The following LRBA variants were observed in gnomAD, a reference collection of about 807,000 sequenced individuals.
LRBA encodes lipopolysaccharide-responsive and beige-like anchor protein.
Under a neutral mutation model 330.0 loss-of-function variants are expected in LRBA, and 176 were observed. The observed-to-expected ratio is 0.53, with a 90% CI of 0.47 to 0.60. The LOEUF (loss-of-function observed/expected upper bound fraction) is 0.60. LRBA is among the 20% of genes least tolerant of loss of function. The pLI is 0.00. For synonymous variants in LRBA, 1,230 were observed against 1,193.0 expected (o/e 1.03, Z -0.64); for missense variants, 3,259 against 3,444.8 (o/e 0.95, Z 1.35).
intron 2 of LRBA, among the ~76,000 whole-genome samples, chr4:150,998,698 C>A (rs994578938): frequency 6.6e-6 from 1 of 152,118 alleles, no homozygotes; most frequent in African/African-American, 2.4e-5. Context: ...ACCACCTCCA[C>A]ACATAAAATC....
intron 47 of LRBA, among the ~76,000 whole-genome samples, chr4:150,388,400 A>G (rs984426535): frequency 1.3e-5 from 2 of 152,224 alleles, no homozygotes; most frequent in Non-Finnish European, 2.9e-5. Flanking sequence ...TCCATCCCAA[A>G]TGCCTCCAAA....
At chr4:150,716,333 G>C (rs1728198637) in intron 36 of LRBA, among the ~76,000 whole-genome samples, 1 of 152,128 alleles carries the variant, frequency 6.6e-6, no homozygotes, top group South Asian at 2.1e-4. Flanking sequence ...TGTAATCCCA[G>C]CCACTAGTGA....
At chr4:150,713,975 T>C (rs886347309) in intron 36 of LRBA, among the ~76,000 whole-genome samples, 2 of 152,194 alleles carry the variant, frequency 1.3e-5, no homozygotes, top group Non-Finnish European at 2.9e-5. Context: ...TTCAATTAGT[T>C]TGTGAGCCAG....
At chr4:150,965,143 A>G (rs1738733741) in intron 2 of LRBA, among the ~76,000 whole-genome samples, 1 of 152,214 alleles carries the variant, frequency 6.6e-6, no homozygotes. Context: ...AATCTATCCT[A>G]TAGATACAAT....
At chr4:150,731,267 G>C (rs1197943337) in intron 36 of LRBA, among the ~76,000 whole-genome samples, 1 of 152,124 alleles carries the variant, frequency 6.6e-6, no homozygotes, top group Non-Finnish European at 1.5e-5. Flanking sequence ...GCTACCGTAT[G>C]ATCCAGCAAT....
intron 36 of LRBA, among the ~76,000 whole-genome samples, chr4:150,723,535 T>C (rs1372783562): frequency 6.6e-6 from 1 of 152,180 alleles, no homozygotes; most frequent in East Asian, 1.9e-4. Flanking sequence ...AAAGAACTCT[T>C]GGGCCCTGAA....
intron 56 of LRBA, among the ~76,000 whole-genome samples, chr4:150,271,742 G>A (rs549656548): frequency 1.7e-4 from 26 of 152,334 alleles, no homozygotes; most frequent in African/African-American, 5.1e-4. Context: ...AAAGCCTCTG[G>A]GGAGTTCGAA....
intron 37 of LRBA, among the ~76,000 whole-genome samples, chr4:150,635,562 A>C (rs938782310): frequency 6.6e-6 from 1 of 152,178 alleles, no homozygotes; most frequent in Non-Finnish European, 1.5e-5. Context: ...GTTGTATATG[A>C]ACTTGTTAAA....
intron 47 of LRBA, among the ~76,000 whole-genome samples, chr4:150,404,019 G>C (rs1013679280): frequency 6.6e-6 from 1 of 151,890 alleles, no homozygotes; most frequent in Non-Finnish European, 1.5e-5. Flanking sequence ...GCGACAGAGC[G>C]AGATTCTGTC....
Position 150,735,253 on chromosome 4 carries a change from C to G in LRBA, c.5754+5G>C. Reference sequence around the variant, plus strand: ...TTCCGCACACCAACCATATGTGTAACCTACCTCAAATTCCGCATGTCTGTG... The same window carrying G: ...TTCCGCACACCAACCATATGTGTAAGCTACCTCAAATTCCGCATGTCTGTG... On this transcript the variant is annotated splice_donor_5th_base_variant and intron_variant, in intron 36 of 56. Transcript: ENST00000651943. 1 of 1,605,620 alleles carries G rather than the reference C, an allele frequency of 6.2e-7. No individual in the cohort carries two copies. Among genetic ancestry groups the G allele is most frequent in the Non-Finnish European group, 8.5e-7 (1 of 1,172,432 alleles).
chr4:150,828,141 A>G, intron 30 of LRBA, 39 bp downstream of exon 30: 1 of 1,585,610 alleles, frequency 6.3e-7, no homozygotes, highest in Non-Finnish European at 8.6e-7. Context: ...CAAGGGTCAG[A>G]TGTAGAAACA....
intron 2 of LRBA, among the ~76,000 whole-genome samples, chr4:150,992,513 A>G (rs1045447295): frequency 6.6e-6 from 1 of 152,184 alleles, no homozygotes; most frequent in Admixed American, 6.6e-5. Context: ...TTTTAGAAAG[A>G]TAAGTATAAA....
At chr4:150,547,742 CA>C (rs1288648056) in intron 40 of LRBA, among the ~76,000 whole-genome samples, 4 of 152,084 alleles carry the variant, frequency 2.6e-5, no homozygotes, top group African/African-American at 9.7e-5. Flanking sequence ...TATTGTGAAA[CA>C]AAATCCTCAG....
At chr4:150,505,754 G>C (rs529824254) in intron 40 of LRBA, among the ~76,000 whole-genome samples, 1 of 152,196 alleles carries the variant, frequency 6.6e-6, no homozygotes, top group Admixed American at 6.5e-5. Context: ...AGGAAATAGA[G>C]ACACAAAAAA....
At chr4:150,369,533 T>A (rs1317069198) in intron 47 of LRBA, among the ~76,000 whole-genome samples, 2 of 151,886 alleles carry the variant, frequency 1.3e-5, no homozygotes, top group East Asian at 3.9e-4. Flanking sequence ...ATATGATGCC[T>A]AAAAAAATAT....
intron 2 of LRBA, among the ~76,000 whole-genome samples, chr4:150,944,735 G>A (rs1367451951): frequency 6.6e-6 from 1 of 152,196 alleles, no homozygotes; most frequent in East Asian, 1.9e-4. Flanking sequence ...ACTCTGGCAT[G>A]ACTCTATACA....
intron 37 of LRBA, among the ~76,000 whole-genome samples, chr4:150,647,549 A>G (rs1275487414): frequency 6.6e-6 from 1 of 151,580 alleles, no homozygotes; most frequent in Non-Finnish European, 1.5e-5. Flanking sequence ...GCATACCAAC[A>G]TACCCAGCTA....
chr4:150,845,077 C>G (rs1749657779), intron 26 of LRBA, among the ~76,000 whole-genome samples: 1 of 152,030 alleles, frequency 6.6e-6, no homozygotes, highest in Admixed American at 6.6e-5. Context: ...GCTACTATTT[C>G]TTAGATCTCA....
intron 34 of LRBA, among the ~76,000 whole-genome samples, chr4:150,780,413 T>C (rs2126586784): frequency 1.3e-5 from 2 of 152,082 alleles, no homozygotes; most frequent in South Asian, 4.2e-4. Flanking sequence ...TTTAAACATA[T>C]ATTAGCAAAG....
Sources: gnomAD v4.1 joint callset for allele counts (sites outside exome capture counted in the v4.1 genomes callset) on GRCh38, gnomAD v4.1.1 for gene constraint, MANE v1.5 for transcripts, NCBI Gene and HGNC (gene_info 2026-07-23, HGNC 2026-07-21) for gene names.